ERGIC3: variants seen among roughly 807,000 people sequenced by gnomAD.
ERGIC3 encodes ERGIC and golgi 3.
ERGIC3 carries 33 observed loss-of-function variants against 54.7 expected under a neutral mutation model. The ratio of observed to expected loss-of-function variants is 0.60; its 90% CI spans 0.46 to 0.81. ERGIC3 has a LOEUF of 0.81. Among genes scored for constraint, ERGIC3 ranks in the 30% least tolerant of loss-of-function variants. ERGIC3 has a pLI of 0.00. For missense variants in ERGIC3, 399 were observed against 488.4 expected (o/e 0.82, Z 1.73); for synonymous variants, 186 against 189.8 (o/e 0.98, Z 0.16).
At position 35,542,341 on chromosome 20, in the gene ERGIC3, T is replaced by G. The variant is rs1182913236; in HGVS notation, c.107T>G (p.Leu36Arg). 1 of 1,613,890 alleles carries G rather than the reference T, an allele frequency of 6.2e-7. No homozygotes were observed. Among genetic ancestry groups the G allele is most frequent in the Non-Finnish European group, 8.5e-7 (1 of 1,180,014 alleles). The change falls in exon 2 of 13, where the codon CTT (leucine) becomes CGT (arginine). Residue 36 changes from leucine to arginine, a missense_variant. Transcript: ENST00000348547. Reference sequence around the variant, plus strand: ...CCTGCAGTGACCATTGTCAGTGGCCTTCTCATGCTGCTACTGTTCCTGTCC... The same window carrying G: ...CCTGCAGTGACCATTGTCAGTGGCCGTCTCATGCTGCTACTGTTCCTGTCC... ...GGATVTIVSG[L>R]LMLLLFLSEL...
Position 35,548,884 on chromosome 20 carries a change from C to G in ERGIC3, c.685+19C>G, listed in dbSNP as rs758838039. ...GTGCACGGTGAGTGATCTGCACTAG[C>G]TGGGGAGATTTAGATGCTGGCCACC... On this transcript the variant is annotated intron_variant, in intron 7 of 12. Coordinates refer to ENST00000348547, the MANE Select transcript of ERGIC3 (RefSeq NM_015966.3). The G allele has an allele frequency of 1.2e-5, 19 of 1,613,828 alleles. No homozygotes were observed. In the South Asian group the frequency reaches 2.0e-4, roughly 17 times the overall value.
intron 7 of ERGIC3, chr20:35,554,475 G>A: frequency 6.8e-7 from 1 of 1,463,226 alleles, no homozygotes; most frequent in Non-Finnish European, 9.6e-7. Flanking sequence ...ATGGGGCTGT[G>A]ATTGGGTCTC....
chr20:35,543,697 C>T, intron 4 of ERGIC3: 1 of 470,984 alleles, frequency 2.1e-6, no homozygotes, highest in Non-Finnish European at 4.4e-6. Context: ...ACATAATTTG[C>T]TATAGGACTG....
intron 10 of ERGIC3, chr20:35,556,487 C>T: frequency 1.7e-6 from 1 of 584,388 alleles, no homozygotes; most frequent in Non-Finnish European, 3.0e-6. Context: ...GCTGCCCTCA[C>T]CGCTTCTATC....
chr20:35,555,636 C>A (rs2064706987), intron 8 of ERGIC3, among the ~76,000 whole-genome samples: 1 of 151,994 alleles, frequency 6.6e-6, no homozygotes, highest in Admixed American at 6.6e-5. Flanking sequence ...GCCTAACGTA[C>A]AAGTGAAGCT....
chr20:35,548,091 A>T (rs1461927617), intron 5 of ERGIC3, among the ~76,000 whole-genome samples: 3 of 152,162 alleles, frequency 2.0e-5, no homozygotes, highest in Non-Finnish European at 4.4e-5. Flanking sequence ...TGTGCAACTC[A>T]GTGGCATTAG....
intron 5 of ERGIC3, 53 bp downstream of exon 5, chr20:35,547,558 C>T: frequency 1.3e-6 from 2 of 1,514,038 alleles, no homozygotes; most frequent in Admixed American, 1.7e-5. Context: ...ATCTGTCAGT[C>T]AGCCTCAGCC....
Position 35,553,020 on chromosome 20 carries a change from ATTT to A in ERGIC3, c.686-1998_686-1996del, listed in dbSNP as rs141438822. Among the ~76,000 whole-genome samples the A allele has an allele frequency of 2.2e-3, 90 of 41,556 alleles. 2 individuals are homozygous for A. Among genetic ancestry groups the A allele is most frequent in the Admixed American group, 4.1e-3 (9 of 2,216 alleles). The allele number at this position is 41,556 out of a possible 152,430, so 27.3% of individuals were successfully genotyped here. A position where few individuals can be genotyped will look rare whatever the true frequency, so the allele number is the denominator to read the frequency against. On this transcript the variant is annotated intron_variant, in intron 7 of 12. Transcript: ENST00000348547. ...TTTGCCCTGAGCTTCAAAGCTGGGGATTTTTTTTTTTTTTTTTTTTTTTTTTTT... is the reference window on the plus strand; with the variant it reads ...TTTGCCCTGAGCTTCAAAGCTGGGGATTTTTTTTTTTTTTTTTTTTTTTTT...
At chr20:35,553,020 A>ACTTTT (rs2064689668) in intron 7 of ERGIC3, among the ~76,000 whole-genome samples, 1 of 41,552 alleles carries the variant, frequency 2.4e-5, no homozygotes, top group African/African-American at 8.3e-5. Context: ...AAAGCTGGGG[A>ACTTTT]TTTTTTTTTT....
intron 4 of ERGIC3, chr20:35,543,258 GCTT>G (rs1381352204): frequency 2.8e-6 from 1 of 352,574 alleles, no homozygotes; most frequent in Non-Finnish European, 5.5e-6. Context: ...ATGGACCCAG[GCTT>G]CTTTGAGTGT....
chr20:35,556,196 T>G lies in ERGIC3; in HGVS notation c.815-11T>G, dbSNP rs758643524. On this transcript the variant is annotated splice_polypyrimidine_tract_variant and intron_variant, in intron 9 of 12. Transcript: ENST00000348547. ...CGGGCACCCATACCCAGTGCTTTGT[T>G]TTCCCCTCAGCCTCCATGATGTTCC... 2.5e-6 allele frequency: 4 copies of G among 1,614,122 alleles called. No individual in the cohort carries two copies. In the Admixed American group the frequency reaches 6.7e-5, roughly 27 times the overall value.
chr20:35,549,416 T>C (rs2064669851), intron 7 of ERGIC3: 2 of 358,210 alleles, frequency 5.6e-6, no homozygotes, highest in Middle Eastern at 2.1e-3. Context: ...ATGAGATTTA[T>C]TCTCATTCAT....
rs1288223020 is a variant in ERGIC3, at chr20:35,556,260, G to A, written c.868G>A (p.Val290Met). ...VKVVPTVYMK[V>M]DGEVLRTNQF... is the part of the protein sequence containing the mutation. ...GGTGGTGCCCACTGTGTACATGAAGGTGGACGGAGAGGTGAGTCAGGGAGC... is the reference window on the plus strand; with the variant it reads ...GGTGGTGCCCACTGTGTACATGAAGATGGACGGAGAGGTGAGTCAGGGAGC... Residue 290 changes from valine to methionine, a missense_variant, in exon 10 of 13, where the codon GTG becomes ATG. Transcript: ENST00000348547. 2.5e-6 allele frequency: 4 copies of A among 1,614,152 alleles called. No individual in the cohort carries two copies. The highest frequency in any genetic ancestry group is 3.4e-6 in the Non-Finnish European group (4 of 1,180,018).
chr20:35,542,458 G>A (rs1490153822), intron 2 of ERGIC3, 55 bp from the exon 3 acceptor site: 2 of 1,613,742 alleles, frequency 1.2e-6, no homozygotes, highest in African/African-American at 2.7e-5. Context: ...TTTAGGGGTG[G>A]GAGTGGGGAA....
intron 4 of ERGIC3, chr20:35,545,396 A>G (rs2064643211): frequency 6.8e-6 from 1 of 147,718 alleles, no homozygotes; most frequent in African/African-American, 2.6e-5. Flanking sequence ...CATCTCTACT[A>G]AAAAATACAA....
chr20:35,555,978 CTGTCTGCTACTGT>C, intron 8 of ERGIC3, 42 bp from the exon 9 acceptor site: 1 of 1,556,888 alleles, frequency 6.4e-7, no homozygotes, highest in South Asian at 1.1e-5. Flanking sequence ...CCAGGTGTCC[CTGTCTGCTACTGT>C]CATCAGAGCT....
chr20:35,545,407 A>C (rs1228473722), intron 4 of ERGIC3: 2 of 151,742 alleles, frequency 1.3e-5, no homozygotes, highest in Non-Finnish European at 2.9e-5. Context: ...AAAAATACAA[A>C]AAAAAAAAAA....
rs200810973 is a variant in ERGIC3 at position 35,547,433 on chromosome 20, C to T, written c.389C>T (p.Thr130Met). The T allele has an allele frequency of 9.3e-6, 15 of 1,613,934 alleles. No homozygotes were observed. The highest frequency in any genetic ancestry group is 1.6e-4 in the Middle Eastern group (1 of 6,084). ...ERHELGKVEVTVFDPDSLDPD... is the reference protein window; with the variant it reads ...ERHELGKVEVMVFDPDSLDPD... ...TTAGAGCTTGGGAAAGTCGAGGTGA[C>T]GGTGTTTGACCCTGACTCCCTGGAC... The change falls in exon 5 of 13, where the codon ACG becomes ATG. Residue 130 changes from threonine to methionine, a missense_variant. Thr to Met is a moderately conservative substitution (Grantham distance 81). Coordinates refer to ENST00000348547, the MANE Select transcript of ERGIC3 (RefSeq NM_015966.3).
Position 35,557,620 on chromosome 20 carries a change from T to C in ERGIC3, c.*116T>C. ...AGCCCCAGGTTGATAAATCTATTGA[T>C]TGATTGTGATAGTACTCACTGGTCT... On this transcript the variant is annotated 3_prime_UTR_variant, in exon 13 of 13. Transcript: ENST00000348547. 3 of 844,098 alleles carry C rather than the reference T, an allele frequency of 3.6e-6. No individual in the cohort carries two copies. Among genetic ancestry groups the C allele is most frequent in the Non-Finnish European group, 5.8e-6 (3 of 516,558 alleles). The allele number at this position is 844,098 out of a possible 1,614,324, so 52.3% of individuals were successfully genotyped here.
Sources: allele counts gnomAD v4.1 joint callset (sites outside exome capture counted in the v4.1 genomes callset), GRCh38; gene constraint gnomAD v4.1.1; transcripts MANE v1.5; gene names NCBI Gene and HGNC (gene_info 2026-07-23, HGNC 2026-07-21).